SPAG16: variants seen among roughly 807,000 people sequenced by gnomAD.
The protein encoded by SPAG16 is sperm associated antigen 16.
Under a neutral mutation model 80.4 loss-of-function variants are expected in SPAG16, and 86 were observed. That is an observed-to-expected ratio of 1.07 (90% CI 0.90 to 1.28). The LOEUF is 1.28. Ranked by LOEUF, SPAG16 falls within the 50% of genes most tolerant of loss-of-function variation. The pLI, the probability that SPAG16 is intolerant of heterozygous loss-of-function variation, is 0.00. For missense variants in SPAG16, 870 were observed against 765.3 expected, an observed-to-expected ratio of 1.14 and a Z score of -1.61; for synonymous variants, 294 against 265.9, an observed-to-expected ratio of 1.11 and a Z score of -1.03.
intron 15 of SPAG16, among the ~76,000 whole-genome samples, chr2:214,254,813 A>C (rs1049438604): frequency 1.3e-5 from 2 of 151,970 alleles, no homozygotes; most frequent in Non-Finnish European, 2.9e-5. Context: ...TTATTTTCTA[A>C]TTTTGAGAGG....
At chr2:213,378,397 A>G (rs2067000905) in intron 9 of SPAG16, among the ~76,000 whole-genome samples, 1 of 152,208 alleles carries the variant, frequency 6.6e-6, no homozygotes, top group South Asian at 2.1e-4. Flanking sequence ...ATCTTCAAAT[A>G]AAGACAATAA....
intron 5 of SPAG16, among the ~76,000 whole-genome samples, chr2:213,337,431 A>G (rs890650577): frequency 1.3e-5 from 2 of 152,184 alleles, no homozygotes; most frequent in African/African-American, 4.8e-5. Context: ...TCACTGAGCT[A>G]AAGAATTATG....
At chr2:213,614,977 T>C (rs1194674669) in intron 10 of SPAG16, among the ~76,000 whole-genome samples, 1 of 152,248 alleles carries the variant, frequency 6.6e-6, no homozygotes, top group Non-Finnish European at 1.5e-5. Context: ...AAGTGCTTTA[T>C]ATACATTTAC....
At chr2:213,792,227 C>T (rs1027391648) in intron 10 of SPAG16, among the ~76,000 whole-genome samples, 1 of 152,188 alleles carries the variant, frequency 6.6e-6, no homozygotes, top group Admixed American at 6.5e-5. Context: ...CAAGGAATCC[C>T]ATAGCTTTTG....
chr2:213,499,112 C>T (rs938431701), intron 10 of SPAG16, among the ~76,000 whole-genome samples: 4 of 152,030 alleles, frequency 2.6e-5, no homozygotes, highest in Non-Finnish European at 5.9e-5. Flanking sequence ...TCTATTGTGT[C>T]CTTTGCTTCT....
At chr2:214,178,481 T>C (rs2057202351) in intron 15 of SPAG16, among the ~76,000 whole-genome samples, 1 of 151,316 alleles carries the variant, frequency 6.6e-6, no homozygotes, top group Admixed American at 6.6e-5. Context: ...GTGGGTGTTT[T>C]ACTCCAAAGC....
intron 10 of SPAG16, among the ~76,000 whole-genome samples, chr2:213,494,093 T>G (rs2125746427): frequency 6.6e-6 from 1 of 152,294 alleles, no homozygotes; most frequent in South Asian, 2.1e-4. Flanking sequence ...TGATTCTAGT[T>G]TTCCTGCTGA....
intron 10 of SPAG16, among the ~76,000 whole-genome samples, chr2:213,619,453 A>G (rs58454395): frequency 0.019 from 2,937 of 152,306 alleles, 97 homozygotes; most frequent in African/African-American, 0.066. Context: ...AGGAATTCAA[A>G]CAAGTCAACA....
intron 15 of SPAG16, among the ~76,000 whole-genome samples, chr2:214,243,372 A>G (rs1221142846): frequency 6.6e-6 from 1 of 152,098 alleles, no homozygotes; most frequent in Admixed American, 6.5e-5. Flanking sequence ...AAATATTCTC[A>G]AAGTGTAGTT....
At chr2:213,498,583 G>C (rs1346877026) in intron 10 of SPAG16, among the ~76,000 whole-genome samples, 1 of 151,958 alleles carries the variant, frequency 6.6e-6, no homozygotes, top group Non-Finnish European at 1.5e-5. Context: ...ATTATCCCAA[G>C]CTGCAATGAC....
chr2:213,683,183 G>A (rs575864443), intron 10 of SPAG16, among the ~76,000 whole-genome samples: 58 of 152,294 alleles, frequency 3.8e-4, no homozygotes, highest in African/African-American at 1.3e-3. Flanking sequence ...TTTCCTGGGA[G>A]AGGAAAATCA....
At chr2:214,088,598 A>C (rs970459988) in intron 13 of SPAG16, among the ~76,000 whole-genome samples, 1 of 152,142 alleles carries the variant, frequency 6.6e-6, no homozygotes, top group African/African-American at 2.4e-5. Context: ...ACAAAATATC[A>C]CTCAATATTT....
chr2:214,348,410 G>A (rs1206590156), intron 15 of SPAG16, among the ~76,000 whole-genome samples: 1 of 152,196 alleles, frequency 6.6e-6, no homozygotes, highest in Non-Finnish European at 1.5e-5. Context: ...CAAATAGCAA[G>A]ATCATTGTTT....
At chr2:213,890,879 T>C (rs1244263031) in intron 11 of SPAG16, among the ~76,000 whole-genome samples, 2 of 152,054 alleles carry the variant, frequency 1.3e-5, no homozygotes, top group Non-Finnish European at 2.9e-5. Context: ...ATTGACATCA[T>C]TTTGAGGAGG....
intron 10 of SPAG16, among the ~76,000 whole-genome samples, chr2:213,812,933 A>G (rs2072269489): frequency 6.6e-6 from 1 of 152,210 alleles, no homozygotes; most frequent in Non-Finnish European, 1.5e-5. Context: ...AATAAAGAAT[A>G]GGATTTTTAA....
intron 5 of SPAG16, among the ~76,000 whole-genome samples, chr2:213,325,914 G>T (rs1265744055): frequency 6.6e-6 from 1 of 151,956 alleles, no homozygotes; most frequent in Non-Finnish European, 1.5e-5. Context: ...AAGTGATTGT[G>T]TGCTATTAAA....
At chr2:214,165,691 C>T in intron 15 of SPAG16, among the ~76,000 whole-genome samples, 1 of 149,418 alleles carries the variant, frequency 6.7e-6, no homozygotes, top group East Asian at 2.0e-4. Flanking sequence ...AAAGACTTGA[C>T]CTGGCTTTGG....
At chr2:213,925,966 C>A (rs931498548) in intron 11 of SPAG16, among the ~76,000 whole-genome samples, 2 of 151,662 alleles carry the variant, frequency 1.3e-5, no homozygotes, top group African/African-American at 4.8e-5. Flanking sequence ...GTAAAAATTT[C>A]TTTTTATTGA....
At chr2:213,974,948 TA>T (rs569021815) in intron 12 of SPAG16, among the ~76,000 whole-genome samples, 4,396 of 116,274 alleles carry the variant, frequency 0.038, 95 homozygotes, top group South Asian at 0.064. Context: ...AAGATGTCGT[TA>T]AAAAAAAAAA....
Sources: gnomAD v4.1 joint callset for allele counts (sites outside exome capture counted in the v4.1 genomes callset) on GRCh38, gnomAD v4.1.1 for gene constraint, MANE v1.5 for transcripts, NCBI Gene and HGNC (gene_info 2026-07-23, HGNC 2026-07-21) for gene names.